The following CCSER1 variants were observed in gnomAD, a reference collection of about 807,000 sequenced individuals.
The protein encoded by CCSER1 is serine-rich coiled-coil domain-containing protein 1.
A neutral mutation model predicts 82.0 loss-of-function variants in CCSER1; 41 were observed. The observed-to-expected ratio is 0.50, with a 90% CI of 0.39 to 0.65. The LOEUF is 0.65. Among genes scored for constraint, CCSER1 ranks in the 30% least tolerant of loss-of-function variants. The pLI is 0.00. For missense variants in CCSER1, 1,119 were observed against 1,064.2 expected, an observed-to-expected ratio of 1.05 and a Z score of -0.72; for synonymous variants, 414 against 383.9, an observed-to-expected ratio of 1.08 and a Z score of -0.92.
chr4:91,275,727 C>T (rs926077468), intron 10 of CCSER1, among the ~76,000 whole-genome samples: 1 of 152,048 alleles, frequency 6.6e-6, no homozygotes, highest in South Asian at 2.1e-4. Flanking sequence ...GCCATAAAAC[C>T]TTTGCCCAGA....
At chr4:90,428,079 T>G (rs565886742) in intron 4 of CCSER1, among the ~76,000 whole-genome samples, 1 of 152,018 alleles carries the variant, frequency 6.6e-6, no homozygotes, top group Non-Finnish European at 1.5e-5. Flanking sequence ...CTTTTCTTTT[T>G]CTATTTTCAG....
chr4:90,394,872 A>G (rs1751737181), intron 3 of CCSER1, among the ~76,000 whole-genome samples: 1 of 152,214 alleles, frequency 6.6e-6, no homozygotes, highest in Admixed American at 6.5e-5. Context: ...TGTTGAATAA[A>G]TCATATTTGT....
chr4:90,273,026 A>C (rs977974030), intron 1 of CCSER1, among the ~76,000 whole-genome samples: 15 of 149,268 alleles, frequency 1.0e-4, no homozygotes, highest in Admixed American at 2.6e-4. Flanking sequence ...AACAAACAAA[A>C]AAAAACAGAA....
chr4:90,166,006 A>G (rs1730385782), intron 1 of CCSER1, among the ~76,000 whole-genome samples: 1 of 152,022 alleles, frequency 6.6e-6, no homozygotes, highest in African/African-American at 2.4e-5. Flanking sequence ...TCATATTCCA[A>G]CTATAGACGG....
chr4:90,281,565 C>T (rs972091368), intron 1 of CCSER1, among the ~76,000 whole-genome samples: 4 of 151,898 alleles, frequency 2.6e-5, no homozygotes, highest in African/African-American at 7.2e-5. Context: ...AGTTTCCCAG[C>T]CTGTCCAGGC....
intron 3 of CCSER1, among the ~76,000 whole-genome samples, chr4:90,345,912 ATTTT>A (rs1192789178): frequency 1.3e-5 from 2 of 152,118 alleles, no homozygotes; most frequent in East Asian, 3.9e-4. Context: ...GAGAAAAAGT[ATTTT>A]ATTTTTTCTC....
At chr4:91,079,986 C>A (rs1389427638) in intron 9 of CCSER1, among the ~76,000 whole-genome samples, 2 of 152,138 alleles carry the variant, frequency 1.3e-5, no homozygotes, top group South Asian at 2.1e-4. Context: ...TAACAACCCC[C>A]TGTCAACATT....
intron 1 of CCSER1, among the ~76,000 whole-genome samples, chr4:90,292,774 T>C (rs1731158506): frequency 6.6e-6 from 1 of 151,928 alleles, no homozygotes; most frequent in African/African-American, 2.4e-5. Context: ...ACATTTGTGT[T>C]TGAACTAGAA....
chr4:91,381,859 C>T (rs1398780201), intron 10 of CCSER1, among the ~76,000 whole-genome samples: 2 of 152,108 alleles, frequency 1.3e-5, no homozygotes, highest in Non-Finnish European at 2.9e-5. Flanking sequence ...CTGTTTTATC[C>T]CCATCTTCAT....
intron 4 of CCSER1, among the ~76,000 whole-genome samples, chr4:90,466,058 C>T (rs750436967): frequency 2.0e-5 from 3 of 152,168 alleles, no homozygotes; most frequent in African/African-American, 4.8e-5. Context: ...TAAGATGACA[C>T]GTGACTCCAG....
chr4:90,812,318 C>G (rs1374048744), intron 7 of CCSER1, among the ~76,000 whole-genome samples: 1 of 152,152 alleles, frequency 6.6e-6, no homozygotes, highest in African/African-American at 2.4e-5. Context: ...GCAACAGCCT[C>G]ACAGACACAC....
intron 7 of CCSER1, among the ~76,000 whole-genome samples, chr4:90,746,555 A>G (rs1223347201): frequency 6.6e-6 from 1 of 151,992 alleles, no homozygotes. Context: ...TCATTTTGAG[A>G]CTCTAACTTG....
Position 91,458,377 on chromosome 4 carries a change from T to C in CCSER1, c.2218-140195T>C, listed in dbSNP as rs146478826. On this transcript the variant is annotated intron_variant, in intron 10 of 10. Coordinates refer to ENST00000509176, the MANE Select transcript of CCSER1 (RefSeq NM_001145065.2). ...TTCTCTCTTCTCTTCCATTGGTCTA[T>C]GTGTCTATCTTTATACAGTACCATG... 3.3e-3 allele frequency among the ~76,000 whole-genome samples: 496 copies of C among 152,302 alleles called. 1 individual carries two copies. Among genetic ancestry groups the C allele is most frequent in the Middle Eastern group, 6.8e-3 (2 of 294 alleles).
At chr4:90,855,993 C>G (rs1764421613) in intron 8 of CCSER1, among the ~76,000 whole-genome samples, 1 of 151,998 alleles carries the variant, frequency 6.6e-6, no homozygotes, top group Admixed American at 6.6e-5. Context: ...TTAGCAACAG[C>G]CAATGCAGAG....
chr4:91,226,972 T>A (rs557790383), intron 10 of CCSER1, among the ~76,000 whole-genome samples: 6 of 152,020 alleles, frequency 3.9e-5, no homozygotes, highest in South Asian at 4.1e-4. Context: ...GTTAAAGGAT[T>A]ATGAGGATTA....
chr4:90,911,575 C>A (rs1177146506), intron 8 of CCSER1, among the ~76,000 whole-genome samples: 2 of 152,162 alleles, frequency 1.3e-5, no homozygotes, highest in Non-Finnish European at 2.9e-5. Flanking sequence ...TGGTTAATTT[C>A]TGCATTTCCA....
intron 10 of CCSER1, among the ~76,000 whole-genome samples, chr4:91,347,647 A>C (rs1257956334): frequency 1.3e-5 from 2 of 151,934 alleles, no homozygotes; most frequent in Non-Finnish European, 2.9e-5. Flanking sequence ...GATTTTTTTC[A>C]TCAGAATATT....
At chr4:90,582,823 T>G (rs1008399607) in intron 5 of CCSER1, among the ~76,000 whole-genome samples, 1 of 152,166 alleles carries the variant, frequency 6.6e-6, no homozygotes, top group Non-Finnish European at 1.5e-5. Flanking sequence ...AGAAAATTGA[T>G]CCAATTACCT....
rs191588659 is a variant in CCSER1 at position 90,260,773 on chromosome 4, T to C, written c.-41-47471T>C. 2.0e-5 allele frequency among the ~76,000 whole-genome samples: 3 copies of C among 152,346 alleles called. No homozygotes were observed. In the East Asian group the frequency reaches 5.8e-4, roughly 29 times the overall value. On this transcript the variant is annotated intron_variant, in intron 1 of 10. Transcript: ENST00000509176. ...TCTTGTTGCCCAGGCTGGAGTGCAA[T>C]GGCACTATTTTGGCTCACTGCAACC...
Sources: gnomAD v4.1 joint callset for allele counts (sites outside exome capture counted in the v4.1 genomes callset) on GRCh38, gnomAD v4.1.1 for gene constraint, MANE v1.5 for transcripts, NCBI Gene and HGNC (gene_info 2026-07-23, HGNC 2026-07-21) for gene names.